Variants in NT5DC3 observed in about 807,000 individuals in gnomAD.
The protein encoded by NT5DC3 is 5'-nucleotidase domain containing 3.
In NT5DC3, 42 loss-of-function variants were observed where a neutral mutation model predicts 67.8. The ratio of observed to expected loss-of-function variants is 0.62; its 90% CI spans 0.48 to 0.80. The LOEUF is 0.80. NT5DC3 is among the 30% of genes least tolerant of loss of function. The pLI is 0.00. For synonymous variants in NT5DC3, 237 were observed against 255.6 expected (o/e 0.93, Z 0.69); for missense variants, 570 against 696.4 (o/e 0.82, Z 2.04).
chr12:103,801,372 C>CCTTTTTT (rs1886567309), intron 4 of NT5DC3, among the ~76,000 whole-genome samples: 9 of 78,946 alleles, frequency 1.1e-4, no homozygotes, highest in African/African-American at 4.9e-4. Context: ...TTGGGGTGGG[C>CCTTTTTT]TTTTTTTTTT....
chr12:103,779,171 A>G (rs1885449519), intron 13 of NT5DC3, among the ~76,000 whole-genome samples: 1 of 152,166 alleles, frequency 6.6e-6, no homozygotes, highest in Non-Finnish European at 1.5e-5. Flanking sequence ...CAACCATTAC[A>G]TACTTCAATG....
chr12:103,818,787 A>G (rs924420295), intron 1 of NT5DC3, among the ~76,000 whole-genome samples: 3 of 152,210 alleles, frequency 2.0e-5, no homozygotes, highest in African/African-American at 4.8e-5. Context: ...GAAGAGGAGA[A>G]GCTGGCAGAC....
intron 12 of NT5DC3, among the ~76,000 whole-genome samples, chr12:103,781,405 T>G (rs910129377): frequency 2.6e-5 from 4 of 152,236 alleles, no homozygotes; most frequent in Non-Finnish European, 5.9e-5. Flanking sequence ...CAGGGACGCA[T>G]GCCCAGAGGG....
chr12:103,810,674 G>A (rs535013878), intron 2 of NT5DC3, among the ~76,000 whole-genome samples: 76 of 152,280 alleles, frequency 5.0e-4, no homozygotes, highest in African/African-American at 1.8e-3. Context: ...TGCTGATAAA[G>A]AGCAAAGTGT....
rs992242484 is a variant in NT5DC3 at position 103,776,681 on chromosome 12, A to C, written c.*1148T>G. ...AAAAAAAACAAAACAAAACAAAAAA[A>C]AAAAAAACAAACTACACAAACTCCC... On this transcript the variant is annotated 3_prime_UTR_variant, in exon 14 of 14. Coordinates refer to ENST00000392876, the MANE Select transcript of NT5DC3 (RefSeq NM_001031701.3). 5 of 151,916 alleles carry C rather than the reference A, an allele frequency of 3.3e-5. No homozygotes were observed. Among genetic ancestry groups the C allele is most frequent in the African/African-American group, 1.2e-4 (5 of 41,386 alleles). The allele number at this position is 151,916 out of a possible 1,614,324, so 9.4% of individuals were successfully genotyped here.
At chr12:103,749,504 A>C in the NT5DC3 span, among the ~76,000 whole-genome samples, 485 of 152,120 alleles carry the variant, frequency 3.2e-3, 2 homozygotes, top group African/African-American at 0.011. Flanking sequence ...CCTTCTATCT[A>C]TCTAAAATTA....
Position 103,778,169 on chromosome 12 carries a change from T to TAAA in NT5DC3, c.1395-89_1395-88insTTT. ...ACTGAAATCAAAATCACTTCTTTTT[T>TAAA]TAAAAAAAAAAAATAGGACTCATTT... is the stretch of plus-strand genomic sequence containing the variant. On this transcript the variant is annotated intron_variant, in intron 13 of 13. Transcript: ENST00000392876. 6 of 1,122,340 alleles carry TAAA rather than the reference T, an allele frequency of 5.3e-6. No homozygotes were observed. In the African/African-American group the frequency reaches 6.3e-5, roughly 12 times the overall value. 69.5% of individuals were successfully genotyped at this position (1,122,340 alleles called of 1,614,324 possible). A position where few individuals can be genotyped will look rare whatever the true frequency, so the allele number is the denominator to read the frequency against.
downstream of NT5DC3, chr12:103,766,619 T>G (rs1332030730): frequency 2.6e-5 from 10 of 380,318 alleles, no homozygotes; most frequent in Non-Finnish European, 4.3e-5. Context: ...GTGATCTTTC[T>G]TCCCTGTTAG....
chr12:103,750,703 T>C, the NT5DC3 span: 2 of 1,613,776 alleles, frequency 1.2e-6, no homozygotes, highest in Admixed American at 1.7e-5. Flanking sequence ...GCCAAATGTG[T>C]CGACCTCCAC....
intron 1 of NT5DC3, among the ~76,000 whole-genome samples, chr12:103,832,240 A>G (rs1304837686): frequency 6.6e-6 from 1 of 152,016 alleles, no homozygotes; most frequent in Non-Finnish European, 1.5e-5. Context: ...GCCAAAGTCC[A>G]AAAGAACTCT....
chr12:103,764,416 T>C, the NT5DC3 span, among the ~76,000 whole-genome samples: 1 of 152,212 alleles, frequency 6.6e-6, no homozygotes, highest in Non-Finnish European at 1.5e-5. Context: ...GGGGACCATT[T>C]ATCTCTAGAG....
downstream of NT5DC3, chr12:103,766,862 T>TAAGAAGACATG (rs1320521529): frequency 6.4e-6 from 1 of 155,386 alleles, no homozygotes; most frequent in Non-Finnish European, 1.4e-5. Context: ...TTTGCTTCTT[T>TAAGAAGACATG]AAGAAGACAT....
At chr12:103,839,771 A>T (rs1260260641) in intron 1 of NT5DC3, among the ~76,000 whole-genome samples, 1 of 152,200 alleles carries the variant, frequency 6.6e-6, no homozygotes, top group African/African-American at 2.4e-5. Context: ...GGAAACTAAG[A>T]AAGTAAGCCA....
the NT5DC3 span, chr12:103,750,667 A>G: frequency 1.9e-6 from 3 of 1,614,238 alleles, no homozygotes; most frequent in Non-Finnish European, 2.5e-6. Flanking sequence ...CGCTGCTTAC[A>G]GGACAATGGG....
chr12:103,825,602 C>T lies in NT5DC3; in HGVS notation c.209-10481G>A, dbSNP rs541268899. Among the ~76,000 whole-genome samples the T allele has an allele frequency of 3.9e-5, 6 of 152,080 alleles. No homozygotes were observed. The South Asian group carries it at 1.0e-3, about 26-fold the overall frequency. On this transcript the variant is annotated intron_variant, in intron 1 of 13. Transcript: ENST00000392876. The stretch of plus-strand genomic sequence containing the variant: ...AAGCCAGGAGTTCAAGACCAGCCTG[C>T]GGAGCAAATCAAAACTCTGTCTCTA...
Position 103,780,333 on chromosome 12 carries a change from A to G in NT5DC3, c.1361T>C (p.Leu454Ser), listed in dbSNP as rs1885499267. 6 of 1,614,052 alleles carry G rather than the reference A, an allele frequency of 3.7e-6. No homozygotes were observed. The highest frequency in any genetic ancestry group is 5.1e-6 in the Non-Finnish European group (6 of 1,180,002). ...CTTCCTTTCCTTTTTCCACTCCTGC[A>G]AAACCAGCTGTGACTCAGCATCTCT... is the stretch of plus-strand genomic sequence containing the variant. ...VHRDAESQLV[L>S]QEWKKERKEM... Residue 454 changes from leucine (L) to serine (S), a missense_variant, in exon 13 of 14, where the codon TTG (leucine) becomes TCG (serine). Coordinates refer to ENST00000392876, the MANE Select transcript of NT5DC3 (RefSeq NM_001031701.3).
At chr12:103,797,658 G>A (rs879365638) in intron 5 of NT5DC3, among the ~76,000 whole-genome samples, 11 of 152,004 alleles carry the variant, frequency 7.2e-5, no homozygotes, top group Non-Finnish European at 1.5e-4. Flanking sequence ...AGGAAACACA[G>A]AGGAAAGCCA....
At chr12:103,805,057 CAAA>C (rs35401787) in intron 4 of NT5DC3, among the ~76,000 whole-genome samples, 3 of 120,868 alleles carry the variant, frequency 2.5e-5, no homozygotes, top group Non-Finnish European at 3.6e-5. Context: ...ATCTCAATAA[CAAA>C]AAAAAAAAAA....
At chr12:103,796,781 A>T in intron 6 of NT5DC3, 113 bp downstream of exon 6, 1 of 1,040,290 alleles carries the variant, frequency 9.6e-7, no homozygotes, top group Non-Finnish European at 1.4e-6. Flanking sequence ...AAGAGTTCCC[A>T]GCTAAGAGAC....
Sources: gnomAD v4.1 joint callset for allele counts (sites outside exome capture counted in the v4.1 genomes callset) on GRCh38, gnomAD v4.1.1 for gene constraint, MANE v1.5 for transcripts, NCBI Gene and HGNC (gene_info 2026-07-23, HGNC 2026-07-21) for gene names.